Variants in COL5A2 observed in about 807,000 individuals in gnomAD.
The protein encoded by COL5A2 is collagen alpha-2(V) chain.
In COL5A2, 23 loss-of-function variants were observed where a neutral mutation model predicts 208.2. The observed-to-expected ratio is 0.11, with a 90% CI of 0.08 to 0.16. The LOEUF is 0.16. Among genes scored for constraint, COL5A2 ranks in the 10% least tolerant of loss-of-function variants. The pLI is 1.00. For synonymous variants in COL5A2, 625 were observed against 628.5 expected (o/e 0.99, Z 0.08); for missense variants, 1,590 against 1,956.4 (o/e 0.81, Z 3.53).
chr2:189,063,217 T>G lies in COL5A2; in HGVS notation c.1824A>C (p.Arg608Ser), dbSNP rs1291574149. 3 of 1,614,174 alleles carry G rather than the reference T, an allele frequency of 1.9e-6. No homozygotes were observed. Among genetic ancestry groups the G allele is most frequent in the Non-Finnish European group, 1.7e-6 (2 of 1,180,032 alleles). ...GAAGGCCCATGCTCCCGGGCTGCCC[T>G]CTGATTCCTATGGAGCCTGGAGGAC... is the stretch of plus-strand genomic sequence containing the variant. ...RPGPPGSIGIRGQPGSMGLPG... is the reference protein window; with the variant it reads ...RPGPPGSIGISGQPGSMGLPG... The change falls in exon 27 of 54, where the codon AGA (arginine) becomes AGC (serine). Residue 608 changes from arginine to serine, a missense_variant. Physicochemically the swap from Arg to Ser is moderately radical, Grantham distance 110. Coordinates refer to ENST00000374866, the MANE Select transcript of COL5A2 (RefSeq NM_000393.5).
rs148095921 is a variant in COL5A2 at position 189,148,369 on chromosome 2, T to C, written c.97+31139A>G. Among the ~76,000 whole-genome samples, 945 of 151,612 alleles carry C rather than the reference T, an allele frequency of 6.2e-3. 11 individuals carry two copies. The highest frequency in any genetic ancestry group is 0.021 in the African/African-American group (887 of 41,320). ...GTTGACACATGTAAGAAAAGACACA[T>C]AGAGGTGGAAAGAATCAAGCAAAGG... On this transcript the variant is annotated intron_variant, in intron 1 of 53. Transcript: ENST00000374866.
At chr2:189,320,583 G>T in the COL5A2 span, among the ~76,000 whole-genome samples, 2 of 152,146 alleles carry the variant, frequency 1.3e-5, no homozygotes, top group Non-Finnish European at 2.9e-5. Context: ...AAGATCAAAT[G>T]AATGAAATAA....
intron 16 of COL5A2, 51 bp downstream of exon 16, chr2:189,078,465 A>T: frequency 7.0e-7 from 1 of 1,423,202 alleles, no homozygotes; most frequent in South Asian, 1.1e-5. Context: ...AAATCTGAAA[A>T]TGAATTGAAA....
At chr2:189,085,498 A>C (rs1002742598) in intron 10 of COL5A2, among the ~76,000 whole-genome samples, 8 of 152,202 alleles carry the variant, frequency 5.3e-5, no homozygotes, top group African/African-American at 1.9e-4. Context: ...GAATTTTTAA[A>C]TTTAAATTTA....
At chr2:189,205,686 C>T (rs372150171) in intron 1 of COL5A2, among the ~76,000 whole-genome samples, 1 of 151,860 alleles carries the variant, frequency 6.6e-6, no homozygotes, top group African/African-American at 2.4e-5. Flanking sequence ...GACACCTGGC[C>T]CATAGTAAAT....
At chr2:189,119,159 A>G (rs1687452218) in intron 1 of COL5A2, among the ~76,000 whole-genome samples, 1 of 152,110 alleles carries the variant, frequency 6.6e-6, no homozygotes, top group Non-Finnish European at 1.5e-5. Flanking sequence ...GGAAAGTTAT[A>G]TCAATAACTT....
At chr2:189,174,780 CA>C (rs1688645808) in intron 1 of COL5A2, among the ~76,000 whole-genome samples, 1 of 152,206 alleles carries the variant, frequency 6.6e-6, no homozygotes, top group South Asian at 2.1e-4. Context: ...TCCAAGTATA[CA>C]TTGTGTTAGT....
At chr2:189,287,390 C>G in the COL5A2 span, among the ~76,000 whole-genome samples, 1 of 151,374 alleles carries the variant, frequency 6.6e-6, no homozygotes, top group South Asian at 2.1e-4. Flanking sequence ...GGAAGTGGCA[C>G]AAGCACAATG....
intron 6 of COL5A2, chr2:189,095,792 T>C (rs1434321654): frequency 1.3e-5 from 2 of 151,518 alleles, no homozygotes; most frequent in African/African-American, 4.9e-5. Context: ...CCACCCATCC[T>C]CCACCCAACT....
intron 2 of COL5A2, among the ~76,000 whole-genome samples, chr2:189,105,365 C>T (rs1009048296): frequency 7.3e-5 from 11 of 151,534 alleles, no homozygotes; most frequent in African/African-American, 2.4e-4. Context: ...GCAGTGATAC[C>T]CAGTATGCTA....
chr2:189,355,853 T>A, the COL5A2 span, among the ~76,000 whole-genome samples: 39 of 152,342 alleles, frequency 2.6e-4, no homozygotes, highest in East Asian at 1.4e-3. Flanking sequence ...CGTTACTTGA[T>A]GCAGTTTCTT....
At chr2:189,438,752 T>C in the COL5A2 span, among the ~76,000 whole-genome samples, 1 of 152,198 alleles carries the variant, frequency 6.6e-6, no homozygotes, top group Non-Finnish European at 1.5e-5. Context: ...GTGGATACGA[T>C]AATTTGTGCA....
the COL5A2 span, among the ~76,000 whole-genome samples, chr2:189,432,814 C>G: frequency 6.6e-6 from 1 of 152,168 alleles, no homozygotes; most frequent in South Asian, 2.1e-4. Context: ...TTGAACTCAG[C>G]TCTGCACCAA....
At chr2:189,421,339 G>A in the COL5A2 span, among the ~76,000 whole-genome samples, 1 of 152,068 alleles carries the variant, frequency 6.6e-6, no homozygotes, top group Non-Finnish European at 1.5e-5. Context: ...ACATTAATTT[G>A]AACAACTATC....
the COL5A2 span, among the ~76,000 whole-genome samples, chr2:189,279,377 T>C: frequency 2.0e-5 from 3 of 152,036 alleles, no homozygotes; most frequent in Admixed American, 2.0e-4. Context: ...AAATGACGGA[T>C]ATTTTAGAAA....
chr2:189,039,691 C>T (rs1226968030), intron 50 of COL5A2, 128 bp from the exon 51 acceptor site: 21 of 874,244 alleles, frequency 2.4e-5, no homozygotes, highest in African/African-American at 3.4e-5. Context: ...CTATGACTCG[C>T]GCCCTTTTGT....
the COL5A2 span, among the ~76,000 whole-genome samples, chr2:189,383,996 A>G: frequency 6.6e-6 from 1 of 152,142 alleles, no homozygotes; most frequent in East Asian, 1.9e-4. Flanking sequence ...CGTATGAGTG[A>G]GAACATGCAA....
At chr2:189,421,222 T>A in the COL5A2 span, among the ~76,000 whole-genome samples, 4 of 152,076 alleles carry the variant, frequency 2.6e-5, no homozygotes, top group Non-Finnish European at 4.4e-5. Context: ...CTTTCTTATC[T>A]CTCTCCTGCT....
chr2:189,048,468 A>G (rs760061359), intron 44 of COL5A2, among the ~76,000 whole-genome samples: 9 of 152,210 alleles, frequency 5.9e-5, no homozygotes, highest in Non-Finnish European at 1.0e-4. Flanking sequence ...TACTTAATCC[A>G]TATTCTTCAT....
Sources: gnomAD v4.1 joint callset for allele counts (sites outside exome capture counted in the v4.1 genomes callset) on GRCh38, gnomAD v4.1.1 for gene constraint, MANE v1.5 for transcripts, NCBI Gene and HGNC (gene_info 2026-07-23, HGNC 2026-07-21) for gene names.